NBEA: variants seen among roughly 807,000 people sequenced by gnomAD.
The protein encoded by NBEA is neurobeachin.
NBEA carries 44 observed loss-of-function variants against 343.4 expected under a neutral mutation model. The observed-to-expected ratio is 0.13, with a 90% CI of 0.10 to 0.16. The LOEUF (loss-of-function observed/expected upper bound fraction) is 0.16, where lower values mean the gene tolerates loss of function less well. Ranked by LOEUF, NBEA falls within the 10% of genes least tolerant of loss-of-function variation. The pLI is 1.00. For synonymous variants in NBEA, 1,175 were observed against 1,238.7 expected, an observed-to-expected ratio of 0.95 and a Z score of 1.08; for missense variants, 2,555 against 3,631.3, an observed-to-expected ratio of 0.70 and a Z score of 7.62.
At chr13:35,118,747 A>G (rs1236008368) in intron 16 of NBEA, among the ~76,000 whole-genome samples, 1 of 152,080 alleles carries the variant, frequency 6.6e-6, no homozygotes, top group Non-Finnish European at 1.5e-5. Flanking sequence ...TTCCAAGAAG[A>G]CACGAAAAAG....
At chr13:35,500,243 C>T (rs1053588587) in intron 41 of NBEA, among the ~76,000 whole-genome samples, 4 of 152,084 alleles carry the variant, frequency 2.6e-5, no homozygotes, top group Admixed American at 6.6e-5. Flanking sequence ...GCTTTCCACT[C>T]GGAGCCTGCT....
intron 22 of NBEA, among the ~76,000 whole-genome samples, chr13:35,161,400 T>C (rs2152712803): frequency 6.6e-6 from 1 of 152,314 alleles, no homozygotes; most frequent in African/African-American, 2.4e-5. Context: ...TCCAGTATAC[T>C]TCACTGTGTA....
intron 1 of NBEA, among the ~76,000 whole-genome samples, chr13:35,026,658 A>T (rs1259258235): frequency 6.6e-6 from 1 of 152,170 alleles, no homozygotes; most frequent in Non-Finnish European, 1.5e-5. Flanking sequence ...TTGGCCAGCT[A>T]GATTGTTAGC....
chr13:34,947,990 G>A (rs1396735177), intron 1 of NBEA, among the ~76,000 whole-genome samples: 3 of 152,156 alleles, frequency 2.0e-5, no homozygotes, highest in African/African-American at 7.2e-5. Context: ...AAACTTTTCA[G>A]TAAACTTTTA....
At chr13:35,019,204 G>C (rs1366111974) in intron 1 of NBEA, among the ~76,000 whole-genome samples, 1 of 151,144 alleles carries the variant, frequency 6.6e-6, no homozygotes, top group African/African-American at 2.4e-5. Flanking sequence ...TTTGGCTGTA[G>C]TTTTCTTTTC....
chr13:35,004,016 A>C (rs1394700191), intron 1 of NBEA, among the ~76,000 whole-genome samples: 1 of 152,144 alleles, frequency 6.6e-6, no homozygotes, highest in Non-Finnish European at 1.5e-5. Flanking sequence ...CTTATTAGTG[A>C]GAACATGCAG....
chr13:35,612,767 CA>C (rs2082583045), intron 48 of NBEA, among the ~76,000 whole-genome samples: 1 of 152,218 alleles, frequency 6.6e-6, no homozygotes, highest in South Asian at 2.1e-4. Context: ...ATAAGCTAAA[CA>C]AGCAAGACCT....
chr13:35,258,851 C>T (rs1339239419), intron 34 of NBEA, among the ~76,000 whole-genome samples: 1 of 152,062 alleles, frequency 6.6e-6, no homozygotes, highest in Non-Finnish European at 1.5e-5. Flanking sequence ...GTACAGCATT[C>T]AATAAATTAC....
chr13:35,225,871 G>T (rs1192679804), intron 33 of NBEA, among the ~76,000 whole-genome samples: 2 of 151,978 alleles, frequency 1.3e-5, no homozygotes, highest in Non-Finnish European at 2.9e-5. Context: ...TAATTCTTTA[G>T]ATTATCTGGC....
At chr13:34,943,377 A>C (rs1006239225) in intron 1 of NBEA, among the ~76,000 whole-genome samples, 1 of 151,772 alleles carries the variant, frequency 6.6e-6, no homozygotes, top group African/African-American at 2.4e-5. Context: ...ACTTTTTAGG[A>C]CCGCGAGTAA....
intron 13 of NBEA, among the ~76,000 whole-genome samples, chr13:35,116,370 A>G (rs542791486): frequency 1.3e-5 from 2 of 152,216 alleles, no homozygotes; most frequent in South Asian, 2.1e-4. Flanking sequence ...TAAGTTGTTC[A>G]TGTATGTTTT....
chr13:35,352,105 C>T, intron 37 of NBEA, 52 bp from the exon 38 acceptor site: 1 of 1,138,412 alleles, frequency 8.8e-7, no homozygotes, highest in African/African-American at 1.6e-5. Context: ...ATCATCCTTA[C>T]TTATATGCAG....
At chr13:35,404,363 A>T (rs1044213203) in intron 38 of NBEA, among the ~76,000 whole-genome samples, 13 of 150,880 alleles carry the variant, frequency 8.6e-5, no homozygotes, top group African/African-American at 1.5e-4. Flanking sequence ...CAGATGTCCA[A>T]CAATGATAGA....
chr13:35,267,470 A>G (rs9543831), intron 34 of NBEA, among the ~76,000 whole-genome samples: 7,932 of 152,112 alleles, frequency 0.052, 261 homozygotes, highest in Non-Finnish European at 0.076. Context: ...TATGACACCA[A>G]TGGCACAGAA....
intron 34 of NBEA, among the ~76,000 whole-genome samples, chr13:35,240,249 C>T (rs750048550): frequency 1.4e-4 from 21 of 151,752 alleles, no homozygotes; most frequent in African/African-American, 4.1e-4. Flanking sequence ...TCTTTGTGAA[C>T]GGATCATTGT....
intron 46 of NBEA, 95 bp downstream of exon 46, chr13:35,584,133 C>T: frequency 8.3e-7 from 1 of 1,201,430 alleles, no homozygotes; most frequent in Non-Finnish European, 1.2e-6. Context: ...ATTTGATTAA[C>T]AAAGATTAGA....
intron 56 of NBEA, among the ~76,000 whole-genome samples, 188 bp from the exon 57 acceptor site, chr13:35,667,186 A>G (rs1046821819): frequency 6.6e-6 from 1 of 152,214 alleles, no homozygotes; most frequent in Non-Finnish European, 1.5e-5. Context: ...GGAGTGTGAT[A>G]TGTAGCAGGT....
chr13:35,347,543 T>A (rs995640477), intron 36 of NBEA, among the ~76,000 whole-genome samples: 1 of 151,712 alleles, frequency 6.6e-6, no homozygotes, highest in African/African-American at 2.4e-5. Context: ...TTATTTTTTT[T>A]AATATGCAGT....
chr13:35,619,311 G>A lies in NBEA; in HGVS notation c.7450-8770G>A, dbSNP rs76795754. On this transcript the variant is annotated intron_variant, in intron 48 of 58. Coordinates refer to ENST00000379939, the MANE Select transcript of NBEA (RefSeq NM_001385012.1). ...ACAGGGATGGCACCAGGTTCTAGAG[G>A]CCAAAGAAGAGACCCAGAGCCAGTG... 4.7e-3 allele frequency among the ~76,000 whole-genome samples: 717 copies of A among 151,948 alleles called. 8 individuals carry two copies. Among genetic ancestry groups the A allele is most frequent in the African/African-American group, 0.016 (682 of 41,434 alleles).
Sources: allele counts gnomAD v4.1 joint callset (sites outside exome capture counted in the v4.1 genomes callset), GRCh38; gene constraint gnomAD v4.1.1; transcripts MANE v1.5; gene names NCBI Gene and HGNC (gene_info 2026-07-23, HGNC 2026-07-21).